The following ARIH1 variants were observed in gnomAD, a reference collection of about 807,000 sequenced individuals.
The protein encoded by ARIH1 is ariadne RBR E3 ubiquitin protein ligase 1.
Under a neutral mutation model 85.0 loss-of-function variants are expected in ARIH1, and 8 were observed. The observed-to-expected ratio is 0.09, with a 90% CI of 0.06 to 0.17. The LOEUF is 0.17. Ranked by LOEUF, ARIH1 falls within the 10% of genes least tolerant of loss-of-function variation. The pLI is 1.00. For missense variants in ARIH1, 311 were observed against 718.1 expected (o/e 0.43, Z 6.48); for synonymous variants, 238 against 253.6 (o/e 0.94, Z 0.59).
In ARIH1 at chr15:72,593,360, A is replaced by C. The variant is rs998458316; in HGVS notation, c.*10068A>C. 1 of 152,192 alleles carries C rather than the reference A, an allele frequency of 6.6e-6. No homozygotes were observed. The highest frequency in any genetic ancestry group is 2.4e-5 in the African/African-American group (1 of 41,538). 9.4% of individuals were successfully genotyped at this position (152,192 alleles called of 1,614,324 possible). ...ACTTATTGGGATCTTTCGATGAACA[A>C]ATTTTTTTTATAAAATCCACTTTAT... On this transcript the variant is annotated 3_prime_UTR_variant, in exon 14 of 14. Transcript: ENST00000379887.
At chr15:72,510,020 G>A (rs989387083) in intron 1 of ARIH1, among the ~76,000 whole-genome samples, 1 of 151,720 alleles carries the variant, frequency 6.6e-6, no homozygotes, top group African/African-American at 2.4e-5. Context: ...TAGCTCAAGT[G>A]ATCCTCCTGC....
At chr15:72,480,412 C>T (rs1434585297) in intron 1 of ARIH1, among the ~76,000 whole-genome samples, 1 of 151,922 alleles carries the variant, frequency 6.6e-6, no homozygotes, top group Non-Finnish European at 1.5e-5. Flanking sequence ...CAGGCACGCG[C>T]CACCACACCC....
intron 8 of ARIH1, 105 bp from the exon 9 acceptor site, chr15:72,566,991 TGATAATCTTA>T (rs2140434326): frequency 1.4e-6 from 1 of 715,604 alleles, no homozygotes; most frequent in African/African-American, 1.8e-5. Flanking sequence ...GTGAGCCTAG[TGATAATCTTA>T]TTCATTGGCT....
At chr15:72,501,919 G>C (rs1281926469) in intron 1 of ARIH1, among the ~76,000 whole-genome samples, 1 of 152,126 alleles carries the variant, frequency 6.6e-6, no homozygotes, top group Non-Finnish European at 1.5e-5. Context: ...GGAATAGCCA[G>C]TTAAGAGACT....
intron 3 of ARIH1, among the ~76,000 whole-genome samples, chr15:72,553,761 A>T (rs527919666): frequency 2.6e-5 from 4 of 152,318 alleles, no homozygotes; most frequent in African/African-American, 9.6e-5. Context: ...TACTAAAAAT[A>T]CAAAAATTAG....
At chr15:72,482,169 A>G (rs779864709) in intron 1 of ARIH1, among the ~76,000 whole-genome samples, 1 of 152,188 alleles carries the variant, frequency 6.6e-6, no homozygotes, top group Non-Finnish European at 1.5e-5. Flanking sequence ...AACTAGTGAC[A>G]TCTGACATTC....
chr15:72,534,597 CT>C (rs1183533533), intron 2 of ARIH1, among the ~76,000 whole-genome samples: 1 of 152,154 alleles, frequency 6.6e-6, no homozygotes, highest in African/African-American at 2.4e-5. Flanking sequence ...GCCAAGACAG[CT>C]TTTCTCACTG....
At chr15:72,561,586 CTGTT>C in intron 6 of ARIH1, 37 bp downstream of exon 6, 1 of 1,208,636 alleles carries the variant, frequency 8.3e-7, no homozygotes, top group Non-Finnish European at 1.2e-6. Context: ...AGAAGGAATT[CTGTT>C]TATTAATAGA....
intron 3 of ARIH1, 69 bp downstream of exon 3, chr15:72,545,033 T>C: frequency 7.2e-7 from 1 of 1,394,154 alleles, no homozygotes; most frequent in Non-Finnish European, 9.5e-7. Context: ...TTCCATTATT[T>C]AAACAAAGGA....
At chr15:72,549,605 G>A (rs1400501875) in intron 3 of ARIH1, among the ~76,000 whole-genome samples, 1 of 151,970 alleles carries the variant, frequency 6.6e-6, no homozygotes, top group Non-Finnish European at 1.5e-5. Flanking sequence ...TACACACAAG[G>A]GAACCGATTC....
chr15:72,496,200 G>T (rs1002331714), intron 1 of ARIH1, among the ~76,000 whole-genome samples: 3 of 152,240 alleles, frequency 2.0e-5, no homozygotes, highest in African/African-American at 7.2e-5. Context: ...CACTGTGCCT[G>T]GCCATAGTTT....
chr15:72,490,330 C>T (rs2063854107), intron 1 of ARIH1, among the ~76,000 whole-genome samples: 1 of 152,082 alleles, frequency 6.6e-6, no homozygotes, highest in South Asian at 2.1e-4. Flanking sequence ...CAGGCTGTGG[C>T]CTGTTGTGAA....
At chr15:72,577,102 C>A (rs1842837841) in intron 11 of ARIH1, among the ~76,000 whole-genome samples, 1 of 151,956 alleles carries the variant, frequency 6.6e-6, no homozygotes, top group African/African-American at 2.4e-5. Context: ...CCTGCCTCAG[C>A]CTCCCAAGTA....
chr15:72,593,957 T>G lies in ARIH1; in HGVS notation c.*10665T>G, dbSNP rs2064352854. On this transcript the variant is annotated 3_prime_UTR_variant, in exon 14 of 14. Transcript: ENST00000379887. Reference sequence around the variant, plus strand: ...CTAGAATCTTGATATGGGGTTTTGTTGAGTCTATAGGTCAATTTAGAATGA... The same window carrying G: ...CTAGAATCTTGATATGGGGTTTTGTGGAGTCTATAGGTCAATTTAGAATGA... 1 of 151,672 alleles carries G rather than the reference T, an allele frequency of 6.6e-6. No homozygotes were observed. The highest frequency in any genetic ancestry group is 2.4e-5 in the African/African-American group (1 of 41,344). The allele number at this position is 151,672 out of a possible 1,614,324, so 9.4% of individuals were successfully genotyped here.
At chr15:72,557,690 TTAAAG>T (rs2064180342) in intron 5 of ARIH1, among the ~76,000 whole-genome samples, 1 of 152,232 alleles carries the variant, frequency 6.6e-6, no homozygotes, top group Admixed American at 6.5e-5. Context: ...AGCTCTTACA[TTAAAG>T]TATTTAATCC....
At chr15:72,537,818 A>G (rs1376967521) in intron 2 of ARIH1, among the ~76,000 whole-genome samples, 2 of 152,336 alleles carry the variant, frequency 1.3e-5, no homozygotes, top group African/African-American at 4.8e-5. Context: ...TTGAAATTGC[A>G]ATCCGATACC....
At chr15:72,523,463 T>A (rs1278103987) in intron 2 of ARIH1, among the ~76,000 whole-genome samples, 3 of 151,300 alleles carry the variant, frequency 2.0e-5, no homozygotes, top group Non-Finnish European at 4.4e-5. Context: ...AATGAAAAGA[T>A]CAGTGGTTGC....
At chr15:72,511,430 A>C (rs2063950179) in intron 1 of ARIH1, among the ~76,000 whole-genome samples, 1 of 151,974 alleles carries the variant, frequency 6.6e-6, no homozygotes, top group Non-Finnish European at 1.5e-5. Flanking sequence ...CAGTCTCCTG[A>C]GTAGCTGAGA....
intron 3 of ARIH1, among the ~76,000 whole-genome samples, chr15:72,553,004 A>T (rs1411861023): frequency 2.0e-5 from 3 of 152,142 alleles, no homozygotes; most frequent in Middle Eastern, 3.4e-3. Context: ...TAAACTCCTG[A>T]CTGTAAGTGA....
Sources: allele counts gnomAD v4.1 joint callset (sites outside exome capture counted in the v4.1 genomes callset), GRCh38; gene constraint gnomAD v4.1.1; transcripts MANE v1.5; gene names NCBI Gene and HGNC (gene_info 2026-07-23, HGNC 2026-07-21).